The following MAGI2 variants were observed in gnomAD, a reference collection of about 807,000 sequenced individuals.
The protein encoded by MAGI2 is membrane associated guanylate kinase, WW and PDZ domain containing 2.
Under a neutral mutation model 133.3 loss-of-function variants are expected in MAGI2, and 35 were observed. That is an observed-to-expected ratio of 0.26 (90% CI 0.20 to 0.35). The LOEUF (loss-of-function observed/expected upper bound fraction) is 0.35, where lower values mean the gene tolerates loss of function less well. MAGI2 is among the 10% of genes least tolerant of loss of function. The pLI is 1.00. For missense variants in MAGI2, 1,636 were observed against 1,863.4 expected, an observed-to-expected ratio of 0.88 and a Z score of 2.25; for synonymous variants, 729 against 710.6, an observed-to-expected ratio of 1.03 and a Z score of -0.41.
intron 17 of MAGI2, chr7:78,134,496 G>T (rs372411715): frequency 6.5e-6 from 1 of 154,098 alleles, no homozygotes; most frequent in African/African-American, 2.4e-5. Context: ...TGAGCCTCAG[G>T]GGGGAGTCCT....
intron 1 of MAGI2, among the ~76,000 whole-genome samples, chr7:79,085,111 A>G (rs1180331330): frequency 6.6e-6 from 1 of 151,664 alleles, no homozygotes; most frequent in Non-Finnish European, 1.5e-5. Context: ...TTGTGAGTAC[A>G]TTGCTATGCT....
chr7:78,248,524 G>A (rs1022654387), intron 10 of MAGI2, among the ~76,000 whole-genome samples: 1 of 152,080 alleles, frequency 6.6e-6, no homozygotes, highest in Non-Finnish European at 1.5e-5. Context: ...GCTTACAAGA[G>A]ACTCACATTA....
At chr7:78,389,199 C>T (rs1215958690) in intron 6 of MAGI2, among the ~76,000 whole-genome samples, 2 of 152,082 alleles carry the variant, frequency 1.3e-5, no homozygotes, top group East Asian at 1.9e-4. Flanking sequence ...TCTAAAACTG[C>T]TGTGATTTAT....
intron 6 of MAGI2, among the ~76,000 whole-genome samples, chr7:78,412,774 A>G (rs1583975914): frequency 6.6e-6 from 1 of 152,076 alleles, no homozygotes. Context: ...GGGAGAAAAT[A>G]CTGTTTTCAA....
At chr7:78,829,679 A>C (rs1490646876) in intron 2 of MAGI2, among the ~76,000 whole-genome samples, 1 of 152,118 alleles carries the variant, frequency 6.6e-6, no homozygotes, top group Non-Finnish European at 1.5e-5. Flanking sequence ...TTAAAATTCC[A>C]ATCTAGAGCA....
At chr7:78,959,727 G>A (rs138848465) in intron 2 of MAGI2, among the ~76,000 whole-genome samples, 38 of 152,130 alleles carry the variant, frequency 2.5e-4, no homozygotes, top group Middle Eastern at 3.4e-3. Context: ...TTGACTTTTC[G>A]AGCCTGGATT....
At chr7:78,521,201 ATTCT>A (rs1418251222) in intron 4 of MAGI2, among the ~76,000 whole-genome samples, 1 of 151,896 alleles carries the variant, frequency 6.6e-6, no homozygotes, top group Non-Finnish European at 1.5e-5. Flanking sequence ...TTTTTGGCAT[ATTCT>A]TTCAACTTCT....
intron 6 of MAGI2, among the ~76,000 whole-genome samples, chr7:78,414,966 T>C (rs937560793): frequency 2.0e-5 from 3 of 152,112 alleles, no homozygotes; most frequent in Non-Finnish European, 4.4e-5. Flanking sequence ...ATCTAAAAAC[T>C]GTGTGCCCTG....
intron 1 of MAGI2, among the ~76,000 whole-genome samples, chr7:79,230,418 AGT>A (rs1831261779): frequency 6.6e-6 from 1 of 151,598 alleles, no homozygotes; most frequent in South Asian, 2.1e-4. Context: ...ACAGTGTAAA[AGT>A]GTTCCTATTT....
intron 1 of MAGI2, among the ~76,000 whole-genome samples, chr7:79,199,926 T>C (rs1050896116): frequency 1.3e-4 from 20 of 151,962 alleles, no homozygotes; most frequent in Admixed American, 5.2e-4. Flanking sequence ...CAGCCTAGTT[T>C]TTCTCCACAA....
chr7:79,235,629 G>T (rs1337089377), intron 1 of MAGI2, among the ~76,000 whole-genome samples: 1 of 152,188 alleles, frequency 6.6e-6, no homozygotes, highest in Admixed American at 6.5e-5. Context: ...CCCAAGTGAG[G>T]CAATGCCTTG....
chr7:79,452,958 T>C (rs896853461), intron 1 of MAGI2, 62 bp downstream of exon 1: 36 of 1,489,480 alleles, frequency 2.4e-5, no homozygotes, highest in Non-Finnish European at 3.1e-5. Flanking sequence ...CACCCTTTCA[T>C]TGCCCTGCGC....
intron 2 of MAGI2, among the ~76,000 whole-genome samples, chr7:78,869,120 T>C (rs1794827201): frequency 6.6e-6 from 1 of 152,172 alleles, no homozygotes; most frequent in South Asian, 2.1e-4. Context: ...AAGTTACCTT[T>C]TGTAGATTTT....
chr7:78,582,093 T>C (rs952100295), intron 3 of MAGI2, among the ~76,000 whole-genome samples: 1 of 152,202 alleles, frequency 6.6e-6, no homozygotes, highest in Admixed American at 6.5e-5. Context: ...TCTGTTGTTT[T>C]CTCAGATGCA....
At chr7:78,324,643 C>T (rs1315547875) in intron 9 of MAGI2, among the ~76,000 whole-genome samples, 1 of 152,078 alleles carries the variant, frequency 6.6e-6, no homozygotes. Flanking sequence ...TGTAAGGTAG[C>T]TCTGTTATTA....
At chr7:79,052,141 C>T (rs954621025) in intron 1 of MAGI2, among the ~76,000 whole-genome samples, 4 of 152,074 alleles carry the variant, frequency 2.6e-5, no homozygotes, top group Non-Finnish European at 5.9e-5. Context: ...AGAGAAACAG[C>T]AGCAGAAACC....
At chr7:78,537,197 ACAC>A (rs1798032436) in intron 3 of MAGI2, among the ~76,000 whole-genome samples, 1 of 151,762 alleles carries the variant, frequency 6.6e-6, no homozygotes. Context: ...ACACACACAC[ACAC>A]ACACACAGAC....
chr7:78,542,193 T>C (rs1379432570), intron 3 of MAGI2, among the ~76,000 whole-genome samples: 3 of 152,228 alleles, frequency 2.0e-5, no homozygotes, highest in Non-Finnish European at 2.9e-5. Context: ...AAAGCCATTC[T>C]TACCTTGTTG....
At chr7:78,517,829 C>T (rs998255655) in intron 4 of MAGI2, among the ~76,000 whole-genome samples, 1 of 151,974 alleles carries the variant, frequency 6.6e-6, no homozygotes, top group Non-Finnish European at 1.5e-5. Flanking sequence ...GGAAAGAACA[C>T]TCAGTAAAAT....
Sources: allele counts gnomAD v4.1 joint callset (sites outside exome capture counted in the v4.1 genomes callset), GRCh38; gene constraint gnomAD v4.1.1; transcripts MANE v1.5; gene names NCBI Gene and HGNC (gene_info 2026-07-23, HGNC 2026-07-21).